Variants in PIGU observed in about 807,000 individuals in gnomAD.
The protein encoded by PIGU is phosphatidylinositol glycan anchor biosynthesis class U, also known as GPI-anchor transamidase component PIGU.
Under a neutral mutation model 49.9 loss-of-function variants are expected in PIGU, and 24 were observed. That is an observed-to-expected ratio of 0.48 (90% CI 0.35 to 0.68). PIGU has a LOEUF of 0.68. Among genes scored for constraint, PIGU ranks in the 30% least tolerant of loss-of-function variants. The pLI, the probability that PIGU is intolerant of heterozygous loss-of-function variation, is 0.01. For synonymous variants in PIGU, 220 were observed against 205.7 expected, an observed-to-expected ratio of 1.07 and a Z score of -0.59; for missense variants, 490 against 532.6, an observed-to-expected ratio of 0.92 and a Z score of 0.79.
At position 34,672,581 on chromosome 20, in the gene PIGU, G is replaced by A. The variant is rs562225194; in HGVS notation, c.130+4375C>T. 1.4e-4 allele frequency among the ~76,000 whole-genome samples: 21 copies of A among 152,176 alleles called. No individual in the cohort carries two copies. The South Asian group carries it at 4.4e-3, about 32-fold the overall frequency. ...ATTCAAAAAAAAAGAGGTCAGGCAT[G>A]GTGGCTCATGCCTATAATCCCAGCA... On this transcript the variant is annotated intron_variant, in intron 1 of 11. Transcript: ENST00000217446.
chr20:34,624,243 T>C (rs546072601), intron 6 of PIGU, among the ~76,000 whole-genome samples: 49 of 152,140 alleles, frequency 3.2e-4, no homozygotes, highest in Non-Finnish European at 3.8e-4. Context: ...TCTGAGCAGT[T>C]ATTACACGCC....
In PIGU at chr20:34,645,276, A is replaced by G; in HGVS notation, c.254T>C (p.Met85Thr). The G allele has an allele frequency of 1.3e-6, 2 of 1,574,294 alleles. No individual in the cohort carries two copies. Among genetic ancestry groups the G allele is most frequent in the South Asian group, 1.2e-5 (1 of 83,508 alleles). The change falls in exon 3 of 12, where the codon ATG becomes ACG. Residue 85 changes from methionine to threonine, a missense_variant and splice_region_variant. Physicochemically the swap from Met to Thr is moderately conservative, Grantham distance 81. Coordinates refer to ENST00000217446, the MANE Select transcript of PIGU (RefSeq NM_080476.5). ...AATTTTATATGGAAGGTTACTTACC[A>G]TAAACACCAATTCAGCATAGTCAAT... ...FLIDYAELVF[M>T]ITDALTAIAL...
intron 6 of PIGU, among the ~76,000 whole-genome samples, chr20:34,617,094 G>C (rs144429714): frequency 9.2e-4 from 140 of 152,338 alleles, no homozygotes; most frequent in African/African-American, 3.0e-3. Flanking sequence ...TGGGTGTCCA[G>C]GCAAAAGTTT....
chr20:34,584,705 T>C (rs1983629265), intron 9 of PIGU, among the ~76,000 whole-genome samples: 1 of 151,452 alleles, frequency 6.6e-6, no homozygotes, highest in Non-Finnish European at 1.5e-5. Context: ...TTGTTTTTGT[T>C]GAGATGGAGT....
At chr20:34,631,820 A>T (rs1985789792) in intron 6 of PIGU, among the ~76,000 whole-genome samples, 1 of 65,464 alleles carries the variant, frequency 1.5e-5, no homozygotes, top group African/African-American at 5.2e-5. Context: ...TTTTTTTAGT[A>T]GAGACGGGGT....
At position 34,616,047 on chromosome 20, in the gene PIGU, G is replaced by C; in HGVS notation, c.622C>G (p.Leu208Val). 7 of 1,608,650 alleles carry C rather than the reference G, an allele frequency of 4.4e-6. No homozygotes were observed. The highest frequency in any genetic ancestry group is 5.9e-6 in the Non-Finnish European group (7 of 1,178,006). The change falls in exon 7 of 12, where the codon CTC (leucine) becomes GTC (valine). Residue 208 changes from leucine to valine, a missense_variant. By Grantham distance (32) the Leu-to-Val change is conservative (BLOSUM62 1). Transcript: ENST00000217446. The stretch of plus-strand genomic sequence containing the variant: ...TCTGACCAGCAAGTGCTTACCTGGA[G>C]GAGATAGAGGAGTCCTGGGACAAAC... The part of the protein sequence containing the change: ...TLFVPGLLYL[L>V]QRQYIPVKMK...
intron 1 of PIGU, among the ~76,000 whole-genome samples, chr20:34,666,447 T>C (rs1430405975): frequency 6.7e-6 from 1 of 148,416 alleles, no homozygotes; most frequent in African/African-American, 2.6e-5. Flanking sequence ...TTGTAAAATG[T>C]AAGTTTTTTT....
At chr20:34,562,842 C>T (rs1345921760) in intron 11 of PIGU, among the ~76,000 whole-genome samples, 1 of 152,204 alleles carries the variant, frequency 6.6e-6, no homozygotes, top group African/African-American at 2.4e-5. Flanking sequence ...CAAAGGCTGA[C>T]CTCATACCCT....
intron 8 of PIGU, among the ~76,000 whole-genome samples, chr20:34,586,630 A>G (rs1190196037): frequency 1.3e-5 from 2 of 151,884 alleles, no homozygotes; most frequent in African/African-American, 4.8e-5. Context: ...AAGCTTAGGG[A>G]GCAACCGAGT....
chr20:34,593,858 G>T (rs1984091882), intron 7 of PIGU, among the ~76,000 whole-genome samples: 1 of 133,654 alleles, frequency 7.5e-6, no homozygotes, highest in Admixed American at 7.4e-5. Context: ...CAGCCTGGGG[G>T]ACTGAGCAAG....
At position 34,575,362 on chromosome 20, in the gene PIGU, A is replaced by G. The variant is rs1045304897; in HGVS notation, c.1052-116T>C. On this transcript the variant is annotated intron_variant, in intron 10 of 11. Transcript: ENST00000217446. ...GGTGAGCATCATGTAGCTCAAAGGCAGAGCACCCCCAGAGGTACTGGGGTG... is the reference window on the plus strand; with the variant it reads ...GGTGAGCATCATGTAGCTCAAAGGCGGAGCACCCCCAGAGGTACTGGGGTG... 1.1e-5 allele frequency: 14 copies of G among 1,281,084 alleles called. No homozygotes were observed. In the African/African-American group the frequency reaches 1.5e-4, roughly 14 times the overall value. 79.4% of individuals were successfully genotyped at this position (1,281,084 alleles called of 1,614,324 possible). A position where few individuals can be genotyped will look rare whatever the true frequency, so the allele number is the denominator to read the frequency against.
chr20:34,631,678 T>G, intron 6 of PIGU, among the ~76,000 whole-genome samples: 1 of 115,778 alleles, frequency 8.6e-6, no homozygotes, highest in Non-Finnish European at 1.8e-5. Context: ...CTCAGCCTTC[T>G]GAGTAGCTGG....
intron 1 of PIGU, among the ~76,000 whole-genome samples, chr20:34,659,217 C>CT (rs1986835244): frequency 6.9e-6 from 1 of 144,488 alleles, no homozygotes; most frequent in African/African-American, 2.6e-5. Context: ...GGGTCAGCCC[C>CT]CCGCCCGGCC....
rs367948417 is a variant in PIGU at position 34,587,350 on chromosome 20, C to CG, written c.782+1102dup. On this transcript the variant is annotated intron_variant, in intron 8 of 11. Coordinates refer to ENST00000217446, the MANE Select transcript of PIGU (RefSeq NM_080476.5). ...ACCAAATTAGCTTCCAGAGTTTTGTCGGGGGGGTTTTAACTGACAACATAT... is the reference window on the plus strand; with the variant it reads ...ACCAAATTAGCTTCCAGAGTTTTGTCGGGGGGGGTTTTAACTGACAACATAT... Among the ~76,000 whole-genome samples the CG allele has an allele frequency of 3.3e-3, 495 of 152,102 alleles. 3 individuals are homozygous for CG. The Middle Eastern group carries it at 0.048, about 15-fold the overall frequency.
At chr20:34,587,663 G>A (rs1229038119) in intron 8 of PIGU, among the ~76,000 whole-genome samples, 2 of 152,064 alleles carry the variant, frequency 1.3e-5, no homozygotes, top group East Asian at 1.9e-4. Flanking sequence ...CCACCCTGCC[G>A]GCATCGGTAA....
chr20:34,671,676 T>G (rs533287510), intron 1 of PIGU, among the ~76,000 whole-genome samples: 1 of 152,028 alleles, frequency 6.6e-6, no homozygotes, highest in Non-Finnish European at 1.5e-5. Context: ...ATCCACCACT[T>G]TGGGAGGCCA....
intron 7 of PIGU, among the ~76,000 whole-genome samples, chr20:34,589,051 A>C: frequency 6.6e-6 from 1 of 152,034 alleles, no homozygotes; most frequent in Non-Finnish European, 1.5e-5. Context: ...AAACAAGCCT[A>C]TTATATGAAA....
intron 11 of PIGU, among the ~76,000 whole-genome samples, chr20:34,563,906 G>C (rs888201629): frequency 1.3e-5 from 2 of 152,120 alleles, no homozygotes; most frequent in African/African-American, 4.8e-5. Context: ...TGATGAGAAG[G>C]GCACTTTGCC....
chr20:34,587,519 T>C (rs1280251569), intron 8 of PIGU, among the ~76,000 whole-genome samples: 1 of 152,186 alleles, frequency 6.6e-6, no homozygotes, highest in Non-Finnish European at 1.5e-5. Flanking sequence ...TTTACTCTCT[T>C]AGCAATTTTG....
Sources: gnomAD v4.1 joint callset for allele counts (sites outside exome capture counted in the v4.1 genomes callset) on GRCh38, gnomAD v4.1.1 for gene constraint, MANE v1.5 for transcripts, NCBI Gene and HGNC (gene_info 2026-07-23, HGNC 2026-07-21) for gene names.